The following ASPRV1 variants were observed in gnomAD, a reference collection of about 807,000 sequenced individuals.
ASPRV1 encodes aspartic peptidase retroviral like 1, also known as retroviral-like aspartic protease 1.
ASPRV1 carries 7 observed loss-of-function variants against 11.0 expected under a neutral mutation model. That is an observed-to-expected ratio of 0.64 (90% confidence interval 0.36 to 1.20). The LOEUF is 1.20. Among genes scored for constraint, ASPRV1 ranks in the 50% most tolerant of loss-of-function variants. The pLI is 0.02. For missense variants in ASPRV1, 299 were observed against 320.0 expected, an observed-to-expected ratio of 0.93 and a Z score of 0.50; for synonymous variants, 136 against 138.4, an observed-to-expected ratio of 0.98 and a Z score of 0.12.
At chr2:70,068,724 G>A in the ASPRV1 span, among the ~76,000 whole-genome samples, 13 of 151,554 alleles carry the variant, frequency 8.6e-5, no homozygotes, top group South Asian at 2.1e-4. Flanking sequence ...GACTCAGGTC[G>A]GGAGTTCGAG....
At chr2:69,975,486 A>T in the ASPRV1 span, 1 of 152,218 alleles carries the variant, frequency 6.6e-6, no homozygotes, top group Non-Finnish European at 1.5e-5. Context: ...AAGCACCCAG[A>T]ATTACTTGAG....
chr2:70,032,587 G>T, the ASPRV1 span, among the ~76,000 whole-genome samples: 1 of 152,114 alleles, frequency 6.6e-6, no homozygotes, highest in African/African-American at 2.4e-5. Flanking sequence ...GAGCCCAGGA[G>T]GTTAAGGCTA....
the ASPRV1 span, among the ~76,000 whole-genome samples, chr2:70,023,308 G>T: frequency 6.6e-6 from 1 of 152,202 alleles, no homozygotes; most frequent in Non-Finnish European, 1.5e-5. Context: ...AGCAGGTGGG[G>T]ACATTTTTTA....
At chr2:70,058,533 C>T in the ASPRV1 span, among the ~76,000 whole-genome samples, 4 of 151,900 alleles carry the variant, frequency 2.6e-5, no homozygotes, top group Admixed American at 1.3e-4. Flanking sequence ...TAAACCACCA[C>T]GCCTTTACTC....
the ASPRV1 span, among the ~76,000 whole-genome samples, chr2:69,950,109 C>A: frequency 3.9e-5 from 6 of 152,218 alleles, no homozygotes; most frequent in African/African-American, 1.2e-4. Context: ...AGCCACTACA[C>A]CCGGCCAGCA....
chr2:69,968,617 A>T, the ASPRV1 span: 1 of 151,970 alleles, frequency 6.6e-6, no homozygotes, highest in South Asian at 2.1e-4. Context: ...AAGAGGGTTT[A>T]TTTGAGTTTC....
At chr2:70,036,321 G>T in the ASPRV1 span, among the ~76,000 whole-genome samples, 63 of 152,178 alleles carry the variant, frequency 4.1e-4, no homozygotes, top group East Asian at 0.011. Flanking sequence ...ATCAGGGCAG[G>T]TTTTATGTTG....
chr2:69,935,270 C>A, the ASPRV1 span: 1 of 994,296 alleles, frequency 1.0e-6, no homozygotes, highest in Non-Finnish European at 1.6e-6. Flanking sequence ...CAACTTCACA[C>A]TCTTTGAGAA....
At chr2:70,067,284 T>C in the ASPRV1 span, among the ~76,000 whole-genome samples, 2 of 152,200 alleles carry the variant, frequency 1.3e-5, no homozygotes, top group Non-Finnish European at 2.9e-5. Context: ...CGCTGCATAC[T>C]GTCTATAATG....
chr2:70,034,711 G>A, the ASPRV1 span, among the ~76,000 whole-genome samples: 1 of 152,186 alleles, frequency 6.6e-6, no homozygotes, highest in South Asian at 2.1e-4. Flanking sequence ...TCATCTGTAT[G>A]AGACCAACAA....
At chr2:70,044,910 G>C in the ASPRV1 span, among the ~76,000 whole-genome samples, 1 of 152,214 alleles carries the variant, frequency 6.6e-6, no homozygotes, top group Non-Finnish European at 1.5e-5. Context: ...ATTTTATGTA[G>C]ATGATAGGAC....
the ASPRV1 span, chr2:69,993,872 C>G: frequency 6.6e-6 from 1 of 152,356 alleles, no homozygotes; most frequent in Non-Finnish European, 1.5e-5. Flanking sequence ...CCACCAGCCA[C>G]CCTTCCAGGC....
At chr2:69,948,931 T>C in the ASPRV1 span, among the ~76,000 whole-genome samples, 3 of 151,616 alleles carry the variant, frequency 2.0e-5, no homozygotes, top group Non-Finnish European at 4.4e-5. Context: ...GGGCCCCCAC[T>C]TGGGGAGCCT....
the ASPRV1 span, among the ~76,000 whole-genome samples, chr2:70,010,582 C>A: frequency 6.6e-6 from 1 of 152,176 alleles, no homozygotes; most frequent in South Asian, 2.1e-4. Flanking sequence ...CTTGATCCTG[C>A]AGGCAGTGGT....
chr2:70,003,793 G>A, the ASPRV1 span, among the ~76,000 whole-genome samples: 1 of 152,224 alleles, frequency 6.6e-6, no homozygotes, highest in African/African-American at 2.4e-5. Flanking sequence ...TGTGGGGCCT[G>A]AGAAGTGATC....
the ASPRV1 span, chr2:70,034,968 T>C: frequency 1.3e-5 from 2 of 152,428 alleles, no homozygotes. Flanking sequence ...ACCTCCCAGT[T>C]TGCTTTACCC....
chr2:70,005,891 C>T, the ASPRV1 span, among the ~76,000 whole-genome samples: 1 of 152,236 alleles, frequency 6.6e-6, no homozygotes, highest in Admixed American at 6.5e-5. Flanking sequence ...CACCCCTCAG[C>T]CCCTGTTTAC....
the ASPRV1 span, among the ~76,000 whole-genome samples, chr2:70,067,498 A>C: frequency 7.2e-5 from 11 of 152,342 alleles, no homozygotes; most frequent in African/African-American, 2.6e-4. Context: ...TCTTCATAGA[A>C]AAATAGCCAA....
At chr2:70,039,489 C>T in the ASPRV1 span, among the ~76,000 whole-genome samples, 1 of 152,210 alleles carries the variant, frequency 6.6e-6, no homozygotes. Flanking sequence ...AGAAGGATGA[C>T]TCCAGCTAGC....
Sources: gnomAD v4.1 joint callset for allele counts (sites outside exome capture counted in the v4.1 genomes callset) on GRCh38, gnomAD v4.1.1 for gene constraint, MANE v1.5 for transcripts, NCBI Gene and HGNC (gene_info 2026-07-23, HGNC 2026-07-21) for gene names.